Variants in ATCAY observed in about 807,000 individuals in gnomAD.
The protein encoded by ATCAY is ATCAY kinesin light chain interacting caytaxin.
In ATCAY, 22 loss-of-function variants were observed where a neutral mutation model predicts 47.7. That is an observed-to-expected ratio of 0.46 (90% confidence interval 0.33 to 0.66). The LOEUF (loss-of-function observed/expected upper bound fraction) is 0.66. ATCAY is among the 30% of genes least tolerant of loss of function. The pLI, the probability that ATCAY is intolerant of heterozygous loss-of-function variation, is 0.02. For synonymous variants in ATCAY, 216 were observed against 207.6 expected (o/e 1.04, Z -0.35); for missense variants, 452 against 515.0 (o/e 0.88, Z 1.18).
At position 3,924,913 on chromosome 19, in the gene ATCAY, C is replaced by T. The variant is rs995340975; in HGVS notation, c.*321C>T. 2 of 354,886 alleles carry T rather than the reference C, an allele frequency of 5.6e-6. No individual in the cohort carries two copies. The highest frequency in any genetic ancestry group is 4.2e-5 in the African/African-American group (2 of 48,006). The allele number at this position is 354,886 out of a possible 1,614,324, so 22.0% of individuals were successfully genotyped here. ...GTGGCCCGCGTGGCGTCGGTGGCCT[C>T]CGCTCCTGCTCGCAGCCTCTGTGGT... On this transcript the variant is annotated 3_prime_UTR_variant, in exon 13 of 13. Coordinates refer to ENST00000450849, the MANE Select transcript of ATCAY (RefSeq NM_033064.5).
At chr19:3,882,553 C>T (rs2038611482) in intron 1 of ATCAY, among the ~76,000 whole-genome samples, 2 of 149,928 alleles carry the variant, frequency 1.3e-5, no homozygotes, top group African/African-American at 4.9e-5. Context: ...CTGGTCTTGA[C>T]CTTCCAGGCT....
rs1313407050 is a variant in ATCAY, at chr19:3,928,070, C to T, written c.*3478C>T. The T allele has an allele frequency of 1.3e-5, 2 of 152,126 alleles. No individual in the cohort carries two copies. Among genetic ancestry groups the T allele is most frequent in the African/African-American group, 4.8e-5 (2 of 41,436 alleles). The allele number at this position is 152,126 out of a possible 1,614,324, so 9.4% of individuals were successfully genotyped here. On this transcript the variant is annotated 3_prime_UTR_variant, in exon 13 of 13. Coordinates refer to ENST00000450849, the MANE Select transcript of ATCAY (RefSeq NM_033064.5). ...GGGACTTTTATGTGGAATAAAGAAA[C>T]TATCACTGAGAAGGGAGGTTTGTTC... is the stretch of plus-strand genomic sequence containing the variant.
At position 3,925,151 on chromosome 19, in the gene ATCAY, C is replaced by T. The variant is rs769374138; in HGVS notation, c.*559C>T. On this transcript the variant is annotated 3_prime_UTR_variant, in exon 13 of 13. Transcript: ENST00000450849. The surrounding 1 kb of genome is among the most constrained non-coding windows in gnomAD (Gnocchi z 4.4). ...CCGACCTTATGTCCAAATTTCACAC[C>T]CATGGTTTTTCATTTGACCCGCCCC... 2.0e-5 allele frequency: 3 copies of T among 153,022 alleles called. No homozygotes were observed. The highest frequency in any genetic ancestry group is 4.8e-5 in the African/African-American group (2 of 41,448). 9.5% of individuals were successfully genotyped at this position (153,022 alleles called of 1,614,324 possible). A position where few individuals can be genotyped will look rare whatever the true frequency, so the allele number is the denominator to read the frequency against.
chr19:3,911,017 AT>A, intron 8 of ATCAY, 128 bp downstream of exon 8: 1 of 985,798 alleles, frequency 1.0e-6, no homozygotes. Flanking sequence ...GTGTGCATCC[AT>A]GTGTGTGTTT....
intron 2 of ATCAY, among the ~76,000 whole-genome samples, chr19:3,891,372 C>T (rs1019675347): frequency 6.6e-6 from 1 of 151,966 alleles, no homozygotes; most frequent in African/African-American, 2.4e-5. Flanking sequence ...TTTTCCTTCA[C>T]TCTCACCCTT....
chr19:3,907,992 C>T lies in ATCAY; in HGVS notation c.544+73C>T. On this transcript the variant is annotated intron_variant, in intron 5 of 12. Transcript: ENST00000450849. This position sits in a 1 kb window ranked among gnomAD's most constrained non-coding sequence, Gnocchi z 5.1. ...TGGGCAACAGGGGGTTCGTCAGTGC[C>T]CCTCTCTGATGCACGGGGATGTTAA... The T allele has an allele frequency of 4.6e-6, 7 of 1,522,190 alleles. No homozygotes were observed. Among genetic ancestry groups the T allele is most frequent in the East Asian group, 2.4e-5 (1 of 41,608 alleles). 94.3% of individuals were successfully genotyped at this position (1,522,190 alleles called of 1,614,324 possible).
intron 2 of ATCAY, among the ~76,000 whole-genome samples, chr19:3,886,477 C>G (rs1198086554): frequency 6.6e-6 from 1 of 151,832 alleles, no homozygotes; most frequent in Non-Finnish European, 1.5e-5. Flanking sequence ...GTAGTCCCAG[C>G]TACTCGGGAG....
chr19:3,901,062 C>A (rs1043599340), intron 2 of ATCAY, among the ~76,000 whole-genome samples: 1 of 151,908 alleles, frequency 6.6e-6, no homozygotes, highest in East Asian at 1.9e-4. Flanking sequence ...CCACCACGCC[C>A]CGCTATTTTT....
chr19:3,882,346 G>T (rs1042017656), intron 1 of ATCAY, among the ~76,000 whole-genome samples: 16 of 151,654 alleles, frequency 1.1e-4, no homozygotes, highest in Non-Finnish European at 2.9e-5. Context: ...TTTTGAAGTA[G>T]GGTCTCTGTT....
In ATCAY at chr19:3,907,661, AG is replaced by A; in HGVS notation, c.359-71del. 6.4e-7 allele frequency: 1 copy of A among 1,564,884 alleles called. No homozygotes were observed. Among genetic ancestry groups the A allele is most frequent in the Non-Finnish European group, 8.7e-7 (1 of 1,147,192 alleles). Reference sequence around the variant, plus strand: ...GCAGCGAGGGAGGTGGGAGAGGGGAAGGAAGGCTGAGCAGGAGGGCAGGAGA... The same window carrying A: ...GCAGCGAGGGAGGTGGGAGAGGGGAAGAAGGCTGAGCAGGAGGGCAGGAGA... On this transcript the variant is annotated intron_variant, in intron 4 of 12. Transcript: ENST00000450849. This position sits in a 1 kb window ranked among gnomAD's most constrained non-coding sequence, Gnocchi z 5.1.
chr19:3,897,161 C>G (rs1009110585), intron 2 of ATCAY, among the ~76,000 whole-genome samples: 1 of 151,846 alleles, frequency 6.6e-6, no homozygotes, highest in South Asian at 2.1e-4. Flanking sequence ...CATAACTAGG[C>G]TTGGTGCATC....
intron 11 of ATCAY, among the ~76,000 whole-genome samples, chr19:3,920,027 C>T (rs1392723589): frequency 6.6e-6 from 1 of 152,194 alleles, no homozygotes; most frequent in Non-Finnish European, 1.5e-5. Context: ...CCTCATAGGG[C>T]TTACAGCCTC....
intron 2 of ATCAY, among the ~76,000 whole-genome samples, chr19:3,894,503 A>T (rs1033419646): frequency 4.0e-5 from 6 of 149,920 alleles, no homozygotes; most frequent in African/African-American, 1.5e-4. Flanking sequence ...AAAAAAAAAA[A>T]ATTAGCTGGA....
rs1396330338 is a variant in ATCAY at position 3,905,465 on chromosome 19, G to A, written c.168G>A (p.Ala56=). The change falls in exon 4 of 13, where the codon GCG becomes GCA. Residue 56 remains alanine, a synonymous_variant. Coordinates refer to ENST00000450849, the MANE Select transcript of ATCAY (RefSeq NM_033064.5). ...CCAACACGCTAAATTTCAACGGAGCGCATCGTAAGAGGAAGACGCTGGTGG... is the reference window on the plus strand; with the variant it reads ...CCAACACGCTAAATTTCAACGGAGCACATCGTAAGAGGAAGACGCTGGTGG... ...SPPNTLNFNG[A]HRKRKTLVAP... 15 of 1,613,122 alleles carry A rather than the reference G, an allele frequency of 9.3e-6. No homozygotes were observed. The highest frequency in any genetic ancestry group is 1.7e-5 in the Admixed American group (1 of 59,784).
At chr19:3,906,184 A>AAAAAG (rs1555768090) in intron 4 of ATCAY, among the ~76,000 whole-genome samples, 1 of 148,430 alleles carries the variant, frequency 6.7e-6, no homozygotes. Flanking sequence ...AAAAAAAAAA[A>AAAAAG]AGAGAGAGAG....
At chr19:3,911,387 G>A (rs1480066609) in intron 8 of ATCAY, among the ~76,000 whole-genome samples, 1 of 151,804 alleles carries the variant, frequency 6.6e-6, no homozygotes, top group African/African-American at 2.4e-5. Flanking sequence ...AGTCATGCAT[G>A]GCATCACATG....
rs73919386 is a variant in ATCAY, at chr19:3,885,708, C to T, written c.-41-19C>T. 2.5e-4 allele frequency: 362 copies of T among 1,456,770 alleles called. 1 individual carries two copies. In the African/African-American group the frequency reaches 4.7e-3, roughly 19 times the overall value. The allele number at this position is 1,456,770 out of a possible 1,614,324, so 90.2% of individuals were successfully genotyped here. On this transcript the variant is annotated intron_variant, in intron 1 of 12. Transcript: ENST00000450849. ...GACTATTGTCCAGTAAAACCCATTCCTCTGCGGCTTCCTTTCAGGGGTCAT... is the reference window on the plus strand; with the variant it reads ...GACTATTGTCCAGTAAAACCCATTCTTCTGCGGCTTCCTTTCAGGGGTCAT...
At chr19:3,914,008 G>A (rs1021547099) in intron 9 of ATCAY, among the ~76,000 whole-genome samples, 152 bp downstream of exon 9, 7 of 151,690 alleles carry the variant, frequency 4.6e-5, no homozygotes, top group African/African-American at 1.2e-4. Flanking sequence ...AGGCTGAGGC[G>A]GGCGGATCAC....
chr19:3,888,485 T>C (rs1044852930), intron 2 of ATCAY, among the ~76,000 whole-genome samples: 2 of 151,152 alleles, frequency 1.3e-5, no homozygotes, highest in African/African-American at 4.9e-5. Context: ...CAAAAATTAG[T>C]CGGGCGTGGT....
Sources: gnomAD v4.1 joint callset for allele counts (sites outside exome capture counted in the v4.1 genomes callset) on GRCh38, gnomAD v4.1.1 for gene constraint, Gnocchi (gnomAD v3.1) non-coding constraint, MANE v1.5 for transcripts, NCBI Gene and HGNC (gene_info 2026-07-23, HGNC 2026-07-21) for gene names.